The following CENPL variants were observed in gnomAD, a reference collection of about 807,000 sequenced individuals.
The protein encoded by CENPL is interphase centromere complex protein 33.
A neutral mutation model predicts 35.2 loss-of-function variants in CENPL; 20 were observed. The observed-to-expected ratio is 0.57, with a 90% confidence interval of 0.40 to 0.83. The LOEUF is 0.83. Among genes scored for constraint, CENPL ranks in the 40% least tolerant of loss-of-function variants. CENPL has a pLI of 0.00. For synonymous variants in CENPL, 140 were observed against 140.6 expected (o/e 1.00, Z 0.03); for missense variants, 363 against 395.8 (o/e 0.92, Z 0.70).
intron 3 of CENPL, 159 bp downstream of exon 3, chr1:173,810,973 G>A: frequency 3.7e-6 from 2 of 544,156 alleles, no homozygotes; most frequent in Non-Finnish European, 6.5e-6. Flanking sequence ...AAGACATAAA[G>A]AGGTAGCACT....
chr1:173,822,903 A>G (rs564374636), intron 2 of CENPL: 42 of 152,158 alleles, frequency 2.8e-4, no homozygotes, highest in Admixed American at 1.7e-3. Context: ...ACGCCTGGCT[A>G]ATTTTTGTAT....
At chr1:173,812,445 T>C (rs927389215) in intron 2 of CENPL, among the ~76,000 whole-genome samples, 1 of 152,190 alleles carries the variant, frequency 6.6e-6, no homozygotes, top group African/African-American at 2.4e-5. Context: ...CACAGGCAGG[T>C]GCCACTATGG....
In CENPL at chr1:173,811,312, T is replaced by A. The variant is rs1650801597; in HGVS notation, c.-7-6A>T. 2.5e-6 allele frequency: 4 copies of A among 1,570,164 alleles called. No homozygotes were observed. The highest frequency in any genetic ancestry group is 3.5e-6 in the Non-Finnish European group (4 of 1,150,752). On this transcript the variant is annotated splice_polypyrimidine_tract_variant and splice_region_variant and intron_variant, in intron 2 of 5. Transcript: ENST00000682279. Reference sequence around the variant, plus strand: ...TGTAAGAATCCATGGTCTGTCTGCATAAGAAGAAACAAAACCAGAATTCTA... The same window carrying A: ...TGTAAGAATCCATGGTCTGTCTGCAAAAGAAGAAACAAAACCAGAATTCTA...
rs557865706 is a variant in CENPL at position 173,807,055 on chromosome 1, CAT to C, written c.420+210_420+211del. ...GACTATATAGATACAGATAACCAAACATATATACCAAAATGTTAAACTATAAT... is the reference window on the plus strand; with the variant it reads ...GACTATATAGATACAGATAACCAAACATATACCAAAATGTTAAACTATAAT... On this transcript the variant is annotated intron_variant, in intron 4 of 5. Coordinates refer to ENST00000682279, the MANE Select transcript of CENPL (RefSeq NM_001387287.1). 5.0e-3 allele frequency among the ~76,000 whole-genome samples: 758 copies of C among 152,172 alleles called. 5 individuals are homozygous for C. Among genetic ancestry groups the C allele is most frequent in the Non-Finnish European group, 7.4e-3 (500 of 67,994 alleles).
intron 4 of CENPL, 70 bp downstream of exon 4, chr1:173,807,197 T>C: frequency 7.5e-7 from 1 of 1,339,682 alleles, no homozygotes; most frequent in Non-Finnish European, 9.8e-7. Context: ...TTATATCTAA[T>C]TATTATAGTT....
chr1:173,803,154 G>C lies in CENPL; in HGVS notation c.772C>G (p.Pro258Ala). The change falls in exon 5 of 6, where the codon CCA becomes GCA. Residue 258 changes from proline (P) to alanine (A), a missense_variant. By Grantham distance (27) the Pro-to-Ala change is conservative (BLOSUM62 -1). Transcript: ENST00000682279. ...TCCCATAGAGCTTTTGCATCCTCTG[G>C]ATGTATTGCGAAAGAAATGTCCAGA... ...QSLDISFAIH[P>A]EDAKALWDSV... The C allele has an allele frequency of 1.9e-6, 3 of 1,613,952 alleles. No individual in the cohort carries two copies. The highest frequency in any genetic ancestry group is 2.5e-6 in the Non-Finnish European group (3 of 1,179,826).
chr1:173,800,769 G>C (rs1649671296), intron 5 of CENPL, among the ~76,000 whole-genome samples: 1 of 151,644 alleles, frequency 6.6e-6, no homozygotes, highest in African/African-American at 2.4e-5. Context: ...GCAACAAAGG[G>C]AGACCTCATC....
intron 4 of CENPL, among the ~76,000 whole-genome samples, chr1:173,804,467 A>T (rs189852974): frequency 6.6e-6 from 1 of 152,258 alleles, no homozygotes; most frequent in African/African-American, 2.4e-5. Flanking sequence ...ATAAGTGAAT[A>T]TAATTACTTT....
At chr1:173,811,982 T>C (rs760998562) in intron 2 of CENPL, among the ~76,000 whole-genome samples, 2 of 152,238 alleles carry the variant, frequency 1.3e-5, no homozygotes, top group African/African-American at 2.4e-5. Flanking sequence ...CTTTTCCATA[T>C]GGCCCTGGCA....
intron 3 of CENPL, among the ~76,000 whole-genome samples, chr1:173,807,864 T>C (rs1650380010): frequency 6.6e-6 from 1 of 152,242 alleles, no homozygotes; most frequent in Non-Finnish European, 1.5e-5. Context: ...ACAGCACTTA[T>C]TACTACCCAA....
At chr1:173,807,059 T>C (rs1413675667) in intron 4 of CENPL, among the ~76,000 whole-genome samples, 2 of 152,172 alleles carry the variant, frequency 1.3e-5, no homozygotes, top group African/African-American at 2.4e-5. Flanking sequence ...ACCAAACATA[T>C]ATACCAAAAT....
chr1:173,807,129 T>A, intron 4 of CENPL, 138 bp downstream of exon 4: 1 of 651,460 alleles, frequency 1.5e-6, no homozygotes, highest in Non-Finnish European at 2.3e-6. Context: ...TTTTTAAAAA[T>A]AAACATGATT....
At position 173,824,875 on chromosome 1, in the gene CENPL, C is replaced by T. The variant is rs1349155484; in HGVS notation, c.-765G>A. 3 of 344,206 alleles carry T rather than the reference C, an allele frequency of 8.7e-6. No homozygotes were observed. The highest frequency in any genetic ancestry group is 1.7e-5 in the Non-Finnish European group (3 of 175,188). The allele number at this position is 344,206 out of a possible 1,614,324, so 21.3% of individuals were successfully genotyped here. On this transcript the variant is annotated 5_prime_UTR_variant, in exon 1 of 6. Transcript: ENST00000682279. Reference sequence around the variant, plus strand: ...GTGGAAAGAGGAGAAGGGCGTATACCTTGTGACCGCCTCTGGTTGTCTTGG... The same window carrying T: ...GTGGAAAGAGGAGAAGGGCGTATACTTTGTGACCGCCTCTGGTTGTCTTGG...
chr1:173,800,240 C>T lies in CENPL; in HGVS notation c.*208G>A, dbSNP rs747213450. ...GCATGTCAGGTTATCATGATTAGTA[C>T]ATGGGCACCTGGCTGTGGCTCATCT... On this transcript the variant is annotated 3_prime_UTR_variant, in exon 6 of 6. Transcript: ENST00000682279. The T allele has an allele frequency of 9.7e-6, 4 of 411,060 alleles. No homozygotes were observed. Among genetic ancestry groups the T allele is most frequent in the African/African-American group, 4.1e-5 (2 of 48,710 alleles). 25.5% of individuals were successfully genotyped at this position (411,060 alleles called of 1,614,324 possible). A position where few individuals can be genotyped will look rare whatever the true frequency, so the allele number is the denominator to read the frequency against.
intron 2 of CENPL, among the ~76,000 whole-genome samples, chr1:173,813,955 C>G (rs543340132): frequency 2.0e-5 from 3 of 151,884 alleles, no homozygotes; most frequent in African/African-American, 7.3e-5. Flanking sequence ...GACACACATA[C>G]GCTCAAAATA....
chr1:173,814,275 G>A (rs1175754409), intron 2 of CENPL, among the ~76,000 whole-genome samples: 5 of 152,158 alleles, frequency 3.3e-5, no homozygotes, highest in South Asian at 4.1e-4. Flanking sequence ...ACAGATCAAC[G>A]AGACAGAAGG....
chr1:173,817,349 TG>T (rs1441577174), intron 2 of CENPL, among the ~76,000 whole-genome samples: 3 of 152,116 alleles, frequency 2.0e-5, no homozygotes, highest in Non-Finnish European at 4.4e-5. Context: ...GCAAAGGATA[TG>T]AACAGACACT....
intron 3 of CENPL, chr1:173,808,716 T>C (rs570270634): frequency 1.3e-5 from 2 of 151,650 alleles, no homozygotes; most frequent in African/African-American, 2.4e-5. Context: ...ATTTATACCA[T>C]ATACTATATA....
rs747710289 is a variant in CENPL at position 173,807,195 on chromosome 1, A to C, written c.420+72T>G. The C allele has an allele frequency of 1.0e-4, 135 of 1,326,718 alleles. 1 individual carries two copies. Among genetic ancestry groups the C allele is most frequent in the Admixed American group, 1.5e-4 (6 of 39,288 alleles). The allele number at this position is 1,326,718 out of a possible 1,614,324, so 82.2% of individuals were successfully genotyped here. A position where few individuals can be genotyped will look rare whatever the true frequency, so the allele number is the denominator to read the frequency against. ...AAAATTTTTTAAGTTGATTATATCTAATTATTATAGTTTAGTCAAACAAGA... is the reference window on the plus strand; with the variant it reads ...AAAATTTTTTAAGTTGATTATATCTCATTATTATAGTTTAGTCAAACAAGA... On this transcript the variant is annotated intron_variant, in intron 4 of 5. Coordinates refer to ENST00000682279, the MANE Select transcript of CENPL (RefSeq NM_001387287.1).
Sources: gnomAD v4.1 joint callset for allele counts (sites outside exome capture counted in the v4.1 genomes callset) on GRCh38, gnomAD v4.1.1 for gene constraint, MANE v1.5 for transcripts, NCBI Gene and HGNC (gene_info 2026-07-23, HGNC 2026-07-21) for gene names.